Variants in ATP6V1E2 observed in about 807,000 individuals in gnomAD.
The protein encoded by ATP6V1E2 is ATPase H+ transporting V1 subunit E2, also known as V-type proton ATPase subunit E 2.
For missense variants in ATP6V1E2, 308 were observed against 273.3 expected (o/e 1.13, Z -0.90); for synonymous variants, 121 against 104.2 (o/e 1.16, Z -0.98).
rs71394897 is a variant in ATP6V1E2, at chr2:46,518,758, T to TTTTGTGTG, written c.-101-5947_-101-5946insCACACAAA. On this transcript the variant is annotated intron_variant, in intron 4 of 4. Transcript: ENST00000522587. ...TGCTCCTAAATAAGACAAGTCAATT[T>TTTTGTGTG]TGTGTGTGTGTGTGTGTGTGTGTGT... Among the ~76,000 whole-genome samples, 5 of 140,712 alleles carry TTTTGTGTG rather than the reference T, an allele frequency of 3.6e-5. No individual in the cohort carries two copies. The South Asian group carries it at 1.1e-3, about 32-fold the overall frequency. The allele number at this position is 140,712 out of a possible 152,430, so 92.3% of individuals were successfully genotyped here. A position where few individuals can be genotyped will look rare whatever the true frequency, so the allele number is the denominator to read the frequency against.
intron 4 of ATP6V1E2, among the ~76,000 whole-genome samples, chr2:46,515,762 C>G (rs1295937858): frequency 2.6e-5 from 4 of 152,096 alleles, no homozygotes; most frequent in Non-Finnish European, 4.4e-5. Context: ...TAAACAAGAT[C>G]TTACTATTTG....
chr2:46,525,481 A>G (rs1167749501), intron 4 of ATP6V1E2, among the ~76,000 whole-genome samples: 1 of 149,400 alleles, frequency 6.7e-6, no homozygotes, highest in Non-Finnish European at 1.5e-5. Context: ...AAAAAAGAAA[A>G]AAAAAAAAGA....
chr2:46,517,258 T>C (rs1558656851), intron 4 of ATP6V1E2, among the ~76,000 whole-genome samples: 1 of 152,264 alleles, frequency 6.6e-6, no homozygotes, highest in East Asian at 1.9e-4. Flanking sequence ...CAATAAATGG[T>C]GTTGGGAAAA....
intron 4 of ATP6V1E2, among the ~76,000 whole-genome samples, chr2:46,529,680 C>T (rs181141241): frequency 6.6e-6 from 1 of 152,230 alleles, no homozygotes; most frequent in African/African-American, 2.4e-5. Flanking sequence ...CACTAGAGCC[C>T]AGGCATTTGA....
intron 4 of ATP6V1E2, among the ~76,000 whole-genome samples, chr2:46,525,190 GGCGGCCGGGC>G (rs1320898042): frequency 6.6e-6 from 1 of 152,180 alleles, no homozygotes; most frequent in African/African-American, 2.4e-5. Context: ...AGCAGGGACA[GGCGGCCGGGC>G]GCGGTGGCTC....
At chr2:46,531,343 T>C (rs967976709) in intron 4 of ATP6V1E2, among the ~76,000 whole-genome samples, 2 of 152,248 alleles carry the variant, frequency 1.3e-5, no homozygotes, top group African/African-American at 4.8e-5. Flanking sequence ...TCATCCACAT[T>C]GTAGCAGCTG....
At chr2:46,539,195 G>A (rs1333000793) in intron 2 of ATP6V1E2, among the ~76,000 whole-genome samples, 1 of 152,214 alleles carries the variant, frequency 6.6e-6, no homozygotes, top group Non-Finnish European at 1.5e-5. Flanking sequence ...TTGTTTGGGG[G>A]ATGAAATAAG....
intron 2 of ATP6V1E2, among the ~76,000 whole-genome samples, chr2:46,540,613 CTTTTTTT>C (rs59810518): frequency 7.8e-5 from 9 of 115,666 alleles, no homozygotes; most frequent in Admixed American, 2.5e-4. Flanking sequence ...TTTTCTGTAA[CTTTTTTT>C]TTTTTTTTTT....
At chr2:46,524,406 G>A (rs7583756) in intron 4 of ATP6V1E2, among the ~76,000 whole-genome samples, 126,375 of 152,218 alleles carry the variant, frequency 0.83, 52,605 homozygotes, top group Middle Eastern at 0.89. Flanking sequence ...TTAACTTGGA[G>A]GCAAGTCACC....
chr2:46,518,040 G>C (rs1461356367), intron 4 of ATP6V1E2, among the ~76,000 whole-genome samples: 1 of 152,114 alleles, frequency 6.6e-6, no homozygotes, highest in Non-Finnish European at 1.5e-5. Context: ...TTGAAGAAAT[G>C]TTTGCACACC....
chr2:46,539,076 C>T (rs1024752804), intron 2 of ATP6V1E2, among the ~76,000 whole-genome samples: 3 of 100,540 alleles, frequency 3.0e-5, no homozygotes, highest in Admixed American at 1.9e-4. Flanking sequence ...TATAAGAAGA[C>T]GGCAGCTTCC....
intron 4 of ATP6V1E2, among the ~76,000 whole-genome samples, chr2:46,515,942 T>C (rs905607217): frequency 2.0e-5 from 3 of 152,174 alleles, no homozygotes; most frequent in African/African-American, 7.2e-5. Flanking sequence ...AAAGACATTA[T>C]ATAATGATAA....
intron 4 of ATP6V1E2, among the ~76,000 whole-genome samples, chr2:46,525,629 T>G (rs1399047839): frequency 6.6e-6 from 1 of 152,124 alleles, no homozygotes; most frequent in Non-Finnish European, 1.5e-5. Context: ...CATCTCTGCT[T>G]CAGTTGCTGA....
intron 4 of ATP6V1E2, among the ~76,000 whole-genome samples, chr2:46,520,250 T>G (rs1346174694): frequency 6.6e-6 from 1 of 152,220 alleles, no homozygotes; most frequent in Non-Finnish European, 1.5e-5. Context: ...CGTGTGCCCA[T>G]GTAATGTGTC....
rs1049756759 is a variant in ATP6V1E2 at position 46,542,257 on chromosome 2, A to G, written c.-414T>C. On this transcript the variant is annotated 5_prime_UTR_variant, in exon 1 of 5. Transcript: ENST00000522587. ...TCCTTGATTTCTAGTTCCGTTGTGC[A>G]CTTAGAGGCCGAGAGGATGGCTCTG... 6.9e-6 allele frequency: 1 copy of G among 145,662 alleles called. No individual in the cohort carries two copies. Among genetic ancestry groups the G allele is most frequent in the Non-Finnish European group, 1.5e-5 (1 of 66,868 alleles). The allele number at this position is 145,662 out of a possible 1,614,324, so 9.0% of individuals were successfully genotyped here.
intron 4 of ATP6V1E2, among the ~76,000 whole-genome samples, chr2:46,522,493 T>C (rs1666691185): frequency 6.6e-6 from 1 of 152,144 alleles, no homozygotes; most frequent in Non-Finnish European, 1.5e-5. Context: ...CATGCAGTGT[T>C]TGGTTTTCTA....
intron 4 of ATP6V1E2, among the ~76,000 whole-genome samples, chr2:46,520,726 T>C (rs1666577172): frequency 6.6e-6 from 1 of 152,212 alleles, no homozygotes; most frequent in Non-Finnish European, 1.5e-5. Context: ...GTTTTTCCAG[T>C]TATTTTTGCT....
At chr2:46,514,489 C>G (rs1352021240) in intron 4 of ATP6V1E2, among the ~76,000 whole-genome samples, 1 of 151,758 alleles carries the variant, frequency 6.6e-6, no homozygotes, top group African/African-American at 2.4e-5. Context: ...GAAAAAGAAC[C>G]AAACAAATTT....
chr2:46,528,177 A>G (rs1008814366), intron 4 of ATP6V1E2: 1 of 152,274 alleles, frequency 6.6e-6, no homozygotes, highest in African/African-American at 2.4e-5. Flanking sequence ...CAAACATAAT[A>G]TATGTATGTG....
Sources: gnomAD v4.1 joint callset for allele counts (sites outside exome capture counted in the v4.1 genomes callset) on GRCh38, gnomAD v4.1.1 for gene constraint, MANE v1.5 for transcripts, NCBI Gene and HGNC (gene_info 2026-07-23, HGNC 2026-07-21) for gene names.